TNR: variants seen among roughly 807,000 people sequenced by gnomAD.
TNR encodes the protein tenascin-R.
In TNR, 45 loss-of-function variants were observed where a neutral mutation model predicts 150.4. That is an observed-to-expected ratio of 0.30 (90% CI 0.24 to 0.38). The LOEUF (loss-of-function observed/expected upper bound fraction) is 0.38. Ranked by LOEUF, TNR falls within the 10% of genes least tolerant of loss-of-function variation. The pLI, the probability that TNR is intolerant of heterozygous loss-of-function variation, is 1.00. For missense variants in TNR, 1,544 were observed against 1,759.1 expected (o/e 0.88, Z 2.19); for synonymous variants, 687 against 678.4 (o/e 1.01, Z -0.20).
chr1:175,634,704 C>A (rs1026599901), intron 1 of TNR, among the ~76,000 whole-genome samples: 1 of 152,084 alleles, frequency 6.6e-6, no homozygotes, highest in Non-Finnish European at 1.5e-5. Context: ...GTATGGACAC[C>A]GAGGCATGGA....
chr1:175,468,158 A>G (rs556446434), intron 2 of TNR, among the ~76,000 whole-genome samples: 11 of 152,314 alleles, frequency 7.2e-5, no homozygotes, highest in South Asian at 6.2e-4. Flanking sequence ...GGAGATTTCC[A>G]AGGGTGGGAA....
At chr1:175,484,169 C>A in intron 2 of TNR, among the ~76,000 whole-genome samples, 1 of 152,170 alleles carries the variant, frequency 6.6e-6, no homozygotes, top group African/African-American at 2.4e-5. Context: ...CCTCTCATGC[C>A]TTTATTTACT....
intron 1 of TNR, among the ~76,000 whole-genome samples, chr1:175,604,630 A>C (rs1018530344): frequency 6.6e-6 from 1 of 152,174 alleles, no homozygotes; most frequent in Non-Finnish European, 1.5e-5. Flanking sequence ...ATCTATCTTT[A>C]TGCCATCCTC....
chr1:175,605,434 A>G (rs1663376302), intron 1 of TNR, among the ~76,000 whole-genome samples: 1 of 152,208 alleles, frequency 6.6e-6, no homozygotes, highest in Non-Finnish European at 1.5e-5. Flanking sequence ...CACATATATA[A>G]TGAGCACCTA....
chr1:175,639,892 C>T (rs1340064735), intron 1 of TNR, among the ~76,000 whole-genome samples: 2 of 152,152 alleles, frequency 1.3e-5, no homozygotes, highest in African/African-American at 2.4e-5. Flanking sequence ...CAGAACCTTC[C>T]GTAACCATTG....
At chr1:175,483,187 G>C (rs1049534206) in intron 2 of TNR, among the ~76,000 whole-genome samples, 3 of 152,210 alleles carry the variant, frequency 2.0e-5, no homozygotes, top group Non-Finnish European at 2.9e-5. Context: ...TACCGGGAAA[G>C]ACAGTCTAGT....
chr1:175,396,882 C>T lies in TNR; in HGVS notation c.977-75G>A, dbSNP rs114905375. 62 of 1,543,174 alleles carry T rather than the reference C, an allele frequency of 4.0e-5. No individual in the cohort carries two copies. The African/African-American group carries it at 6.4e-4, about 16-fold the overall frequency. Reference sequence around the variant, plus strand: ...CCATCCTGGACTCAACTTTCTTCCTCACATCTCACCCCCCATGCCATGTCT... The same window carrying T: ...CCATCCTGGACTCAACTTTCTTCCTTACATCTCACCCCCCATGCCATGTCT... On this transcript the variant is annotated intron_variant, in intron 4 of 22. Coordinates refer to ENST00000367674, the MANE Select transcript of TNR (RefSeq NM_003285.3).
At chr1:175,607,657 C>T (rs1013768919) in intron 1 of TNR, among the ~76,000 whole-genome samples, 1 of 152,166 alleles carries the variant, frequency 6.6e-6, no homozygotes, top group Non-Finnish European at 1.5e-5. Flanking sequence ...ACTCAGTAAA[C>T]ATTATGTCTG....
chr1:175,539,480 C>T lies in TNR; in HGVS notation c.-164-11111G>A, dbSNP rs147691264. ...CCAGGGGAGAGGAATCAGATGAAGACGGAAGTGTCAAGTTTCAGAAATCGG... is the reference window on the plus strand; with the variant it reads ...CCAGGGGAGAGGAATCAGATGAAGATGGAAGTGTCAAGTTTCAGAAATCGG... On this transcript the variant is annotated intron_variant, in intron 1 of 22. Transcript: ENST00000367674. 3.3e-3 allele frequency among the ~76,000 whole-genome samples: 506 copies of T among 152,214 alleles called. 3 individuals are homozygous for T. The highest frequency in any genetic ancestry group is 0.012 in the African/African-American group (481 of 41,528).
chr1:175,538,341 T>C (rs1557993931), intron 1 of TNR, among the ~76,000 whole-genome samples: 1 of 152,144 alleles, frequency 6.6e-6, no homozygotes. Flanking sequence ...GGTCAGAAAG[T>C]TTCCTGAGAA....
chr1:175,448,923 T>A (rs1322969222), intron 2 of TNR, among the ~76,000 whole-genome samples: 2 of 152,204 alleles, frequency 1.3e-5, no homozygotes, highest in African/African-American at 4.8e-5. Context: ...AGAAGAGTGG[T>A]CTGGTCAATG....
At chr1:175,413,317 C>T (rs867851311) in intron 2 of TNR, among the ~76,000 whole-genome samples, 35 of 152,342 alleles carry the variant, frequency 2.3e-4, no homozygotes, top group African/African-American at 7.0e-4. Context: ...TGAGCCACCG[C>T]GCTCAGCCTC....
chr1:175,390,606 T>C (rs868142050), intron 7 of TNR, among the ~76,000 whole-genome samples: 7 of 152,198 alleles, frequency 4.6e-5, no homozygotes, highest in African/African-American at 1.4e-4. Flanking sequence ...CCTGGAAATA[T>C]AATAATCTTG....
At chr1:175,564,129 C>T (rs1213979598) in intron 1 of TNR, among the ~76,000 whole-genome samples, 1 of 152,222 alleles carries the variant, frequency 6.6e-6, no homozygotes, top group East Asian at 1.9e-4. Context: ...ATCAACAAGC[C>T]AAATTGCAGA....
chr1:175,405,828 A>G (rs1653928638), intron 3 of TNR, among the ~76,000 whole-genome samples: 1 of 152,180 alleles, frequency 6.6e-6, no homozygotes, highest in Non-Finnish European at 1.5e-5. Context: ...ATGGATAGAT[A>G]TCAATTCAAC....
intron 2 of TNR, among the ~76,000 whole-genome samples, chr1:175,513,717 T>C (rs1659287325): frequency 6.6e-6 from 1 of 152,216 alleles, no homozygotes; most frequent in Admixed American, 6.5e-5. Context: ...TGCTATTGAC[T>C]GGGCTCCTCA....
chr1:175,586,032 A>C (rs564518265), intron 1 of TNR, among the ~76,000 whole-genome samples: 1 of 152,374 alleles, frequency 6.6e-6, no homozygotes, highest in East Asian at 1.9e-4. Flanking sequence ...ATAAGTGACT[A>C]ATAAGTAATG....
intron 2 of TNR, among the ~76,000 whole-genome samples, chr1:175,462,545 T>C (rs2102107012): frequency 6.6e-6 from 1 of 152,290 alleles, no homozygotes; most frequent in African/African-American, 2.4e-5. Flanking sequence ...ACAGGCATTC[T>C]CCGGAGTTCT....
At chr1:175,413,954 G>A (rs747661221) in intron 2 of TNR, among the ~76,000 whole-genome samples, 8 of 152,110 alleles carry the variant, frequency 5.3e-5, no homozygotes, top group African/African-American at 7.2e-5. Context: ...GCAACATGGC[G>A]AAACCATGCC....
Sources: gnomAD v4.1 joint callset for allele counts (sites outside exome capture counted in the v4.1 genomes callset) on GRCh38, gnomAD v4.1.1 for gene constraint, MANE v1.5 for transcripts, NCBI Gene and HGNC (gene_info 2026-07-23, HGNC 2026-07-21) for gene names.